Variants in LRRC49 observed in about 807,000 individuals in gnomAD.
The protein encoded by LRRC49 is leucine rich repeat containing 49, also known as leucine-rich repeat-containing protein 49.
A neutral mutation model predicts 83.3 loss-of-function variants in LRRC49; 50 were observed. The ratio of observed to expected loss-of-function variants is 0.60; its 90% CI spans 0.48 to 0.76. The LOEUF is 0.76. Among genes scored for constraint, LRRC49 ranks in the 30% least tolerant of loss-of-function variants. The pLI, the probability that LRRC49 is intolerant of heterozygous loss-of-function variation, is 0.00. For missense variants in LRRC49, 704 were observed against 809.1 expected, an observed-to-expected ratio of 0.87 and a Z score of 1.58; for synonymous variants, 286 against 283.3, an observed-to-expected ratio of 1.01 and a Z score of -0.10.
At chr15:70,991,368 G>T (rs1330684006) in intron 11 of LRRC49, among the ~76,000 whole-genome samples, 1 of 152,130 alleles carries the variant, frequency 6.6e-6, no homozygotes, top group African/African-American at 2.4e-5. Context: ...ATCCACAGGG[G>T]ATTGGTTCCC....
chr15:70,943,733 C>A (rs1383219217), intron 8 of LRRC49, among the ~76,000 whole-genome samples: 1 of 152,240 alleles, frequency 6.6e-6, no homozygotes, highest in African/African-American at 2.4e-5. Flanking sequence ...ACTTGCCCAA[C>A]TCCAGTGTGA....
intron 1 of LRRC49, among the ~76,000 whole-genome samples, chr15:70,865,703 G>A (rs2032894438): frequency 6.6e-6 from 1 of 152,194 alleles, no homozygotes; most frequent in Non-Finnish European, 1.5e-5. Flanking sequence ...CTCTGCCCCA[G>A]ACTTTCCCTG....
intron 1 of LRRC49, among the ~76,000 whole-genome samples, chr15:70,868,394 C>T (rs981330827): frequency 6.6e-6 from 1 of 152,206 alleles, no homozygotes; most frequent in African/African-American, 2.4e-5. Flanking sequence ...ATCCCTTATA[C>T]TTATGTTACA....
In LRRC49 at chr15:71,053,324, GAACTACCGAA is replaced by G. The variant is rs2040015427; in HGVS notation, c.*3715_*3724del. ...ATGATGGCCACAAGGTTTTTGGCTTGAACTACCGAAAAGATTGAGTTGCCATCAACTGAGA... is the reference window on the plus strand; with the variant it reads ...ATGATGGCCACAAGGTTTTTGGCTTGAAGATTGAGTTGCCATCAACTGAGA... On this transcript the variant is annotated 3_prime_UTR_variant, in exon 16 of 16. Coordinates refer to ENST00000260382, the MANE Select transcript of LRRC49 (RefSeq NM_017691.5). 6.6e-6 allele frequency: 1 copy of G among 152,190 alleles called. No homozygotes were observed. Among genetic ancestry groups the G allele is most frequent in the South Asian group, 2.1e-4 (1 of 4,836 alleles). The allele number at this position is 152,190 out of a possible 1,614,324, so 9.4% of individuals were successfully genotyped here.
chr15:70,977,155 A>G (rs2037235594), intron 9 of LRRC49, among the ~76,000 whole-genome samples: 1 of 152,190 alleles, frequency 6.6e-6, no homozygotes. Context: ...TTGAACATCA[A>G]TGTATTTTGC....
intron 14 of LRRC49, among the ~76,000 whole-genome samples, chr15:71,031,203 T>C (rs1378482429): frequency 1.3e-5 from 2 of 152,196 alleles, no homozygotes; most frequent in Non-Finnish European, 2.9e-5. Context: ...GGATCCTTTA[T>C]GTTGATGTTG....
intron 1 of LRRC49, chr15:70,854,110 GC>G (rs2032580386): frequency 9.7e-6 from 12 of 1,241,540 alleles, no homozygotes; most frequent in Non-Finnish European, 1.2e-5. Context: ...CTGCGGCGCC[GC>G]CGGGGTCCTC....
rs1218966236 is a variant in LRRC49 at position 70,882,285 on chromosome 15, C to T, written c.18+9062C>T. 3 of 575,966 alleles carry T rather than the reference C, an allele frequency of 5.2e-6. No homozygotes were observed. The African/African-American group carries it at 5.6e-5, about 11-fold the overall frequency. The allele number at this position is 575,966 out of a possible 1,614,324, so 35.7% of individuals were successfully genotyped here. A position where few individuals can be genotyped will look rare whatever the true frequency, so the allele number is the denominator to read the frequency against. On this transcript the variant is annotated intron_variant, in intron 2 of 16. Coordinates refer to the LRRC49 transcript ENST00000544974. ...AGGGATGTTTGTGGGTAGGTATTAT[C>T]TTCATTGTGTTGGCAAGCAAGCAAA...
chr15:70,931,720 CT>C (rs1332033291), intron 7 of LRRC49, among the ~76,000 whole-genome samples: 1 of 151,808 alleles, frequency 6.6e-6, no homozygotes, highest in African/African-American at 2.4e-5. Flanking sequence ...CATCTGTTGC[CT>C]GAAAGTTCTA....
chr15:71,007,716 TA>T (rs1828100475), intron 11 of LRRC49, among the ~76,000 whole-genome samples: 1 of 8,628 alleles, frequency 1.2e-4, no homozygotes, highest in Non-Finnish European at 5.1e-4. Flanking sequence ...CATGTATATA[TA>T]TATATATATA....
At chr15:70,994,310 G>T (rs1263365425) in intron 11 of LRRC49, among the ~76,000 whole-genome samples, 1 of 151,810 alleles carries the variant, frequency 6.6e-6, no homozygotes, top group Non-Finnish European at 1.5e-5. Flanking sequence ...ACATATTTCT[G>T]GACTATCCAT....
intron 2 of LRRC49, chr15:70,882,447 T>G (rs1567034586): frequency 6.2e-7 from 1 of 1,601,900 alleles, no homozygotes; most frequent in Non-Finnish European, 8.5e-7. Flanking sequence ...CATTTGATGT[T>G]GAGTTTTTAA....
At chr15:70,928,453 G>T (rs112291739) in intron 7 of LRRC49, among the ~76,000 whole-genome samples, 1 of 152,028 alleles carries the variant, frequency 6.6e-6, no homozygotes, top group Non-Finnish European at 1.5e-5. Flanking sequence ...GTAAGATAAT[G>T]TTAGATTTAA....
intron 2 of LRRC49, chr15:70,894,541 A>G: frequency 1.2e-6 from 1 of 867,376 alleles, no homozygotes; most frequent in Non-Finnish European, 1.6e-6. Flanking sequence ...TGAGATAAAC[A>G]TGTTTTTCTT....
intron 11 of LRRC49, among the ~76,000 whole-genome samples, chr15:70,994,784 C>T (rs1002821183): frequency 6.6e-6 from 1 of 152,112 alleles, no homozygotes; most frequent in African/African-American, 2.4e-5. Flanking sequence ...CTCATGTGAA[C>T]TTTAAAATCA....
At chr15:70,966,627 A>C (rs954797134) in intron 9 of LRRC49, among the ~76,000 whole-genome samples, 1 of 152,054 alleles carries the variant, frequency 6.6e-6, no homozygotes, top group African/African-American at 2.4e-5. Context: ...TTCTATTTAC[A>C]TATATTATTT....
At chr15:71,016,167 T>C (rs1239211808) in intron 14 of LRRC49, among the ~76,000 whole-genome samples, 5 of 152,242 alleles carry the variant, frequency 3.3e-5, no homozygotes, top group Non-Finnish European at 7.3e-5. Flanking sequence ...TTTTACTCTA[T>C]GTTTCTATGA....
chr15:71,019,558 G>A (rs1333039894), intron 14 of LRRC49, among the ~76,000 whole-genome samples: 1 of 152,168 alleles, frequency 6.6e-6, no homozygotes, highest in Non-Finnish European at 1.5e-5. Context: ...AATGGTAAAT[G>A]TGAATTGACG....
chr15:71,037,376 C>T, intron 15 of LRRC49, 44 bp downstream of exon 15: 1 of 1,483,408 alleles, frequency 6.7e-7, no homozygotes, highest in Non-Finnish European at 9.1e-7. Context: ...CAGGATATAT[C>T]CCACATGGCT....
Sources: allele counts gnomAD v4.1 joint callset (sites outside exome capture counted in the v4.1 genomes callset), GRCh38; gene constraint gnomAD v4.1.1; transcripts MANE v1.5; gene names NCBI Gene and HGNC (gene_info 2026-07-23, HGNC 2026-07-21).